The following CCDC82 variants were observed in gnomAD, a reference collection of about 807,000 sequenced individuals.
The protein encoded by CCDC82 is coiled-coil domain containing 82.
Under a neutral mutation model 60.6 loss-of-function variants are expected in CCDC82, and 47 were observed. That is an observed-to-expected ratio of 0.77 (90% CI 0.61 to 0.99). The LOEUF (loss-of-function observed/expected upper bound fraction) is 0.99, where lower values mean the gene tolerates loss of function less well. CCDC82 is among the 50% of genes least tolerant of loss of function. The probability of loss-of-function intolerance (pLI) is 0.00; values close to 1 mark genes in which losing one functional copy is unlikely to be tolerated. For missense variants in CCDC82, 588 were observed against 633.0 expected, an observed-to-expected ratio of 0.93 and a Z score of 0.76; for synonymous variants, 212 against 207.4, an observed-to-expected ratio of 1.02 and a Z score of -0.19.
intron 5 of CCDC82, among the ~76,000 whole-genome samples, chr11:96,376,377 T>G (rs893365936): frequency 1.3e-5 from 2 of 151,682 alleles, no homozygotes; most frequent in East Asian, 3.9e-4. Flanking sequence ...CCATGTTTTC[T>G]GTTCTGTTTC....
chr11:96,355,236 T>G (rs1365240924), intron 9 of CCDC82: 1 of 152,142 alleles, frequency 6.6e-6, no homozygotes, highest in East Asian at 1.9e-4. Flanking sequence ...TTAAAAAAAT[T>G]ATTTTAAGAG....
intron 4 of CCDC82, 73 bp downstream of exon 4, chr11:96,383,889 C>T: frequency 7.2e-7 from 1 of 1,393,356 alleles, no homozygotes; most frequent in Non-Finnish European, 9.7e-7. Flanking sequence ...GGACTCAGCA[C>T]TTTTTTATAA....
intron 5 of CCDC82, chr11:96,382,829 G>A (rs570597466): frequency 6.5e-6 from 1 of 153,558 alleles, no homozygotes; most frequent in Non-Finnish European, 1.4e-5. Flanking sequence ...CGTAAAAGCA[G>A]ATATAAGAAT....
chr11:96,378,742 T>C (rs1323159249), intron 5 of CCDC82, among the ~76,000 whole-genome samples: 1 of 152,038 alleles, frequency 6.6e-6, no homozygotes, highest in African/African-American at 2.4e-5. Context: ...ATTTTTAGTG[T>C]GTGAACTATG....
chr11:96,354,211 T>C (rs1284187458), intron 9 of CCDC82: 2 of 152,258 alleles, frequency 1.3e-5, no homozygotes, highest in Non-Finnish European at 2.9e-5. Flanking sequence ...TCATGGTTAG[T>C]TGAGGTAAGC....
chr11:96,387,387 GCA>G (rs1490128557), intron 2 of CCDC82, 141 bp downstream of exon 2: 1 of 152,158 alleles, frequency 6.6e-6, no homozygotes, highest in African/African-American at 2.4e-5. Flanking sequence ...ACTTATGACT[GCA>G]CAGTTAAGCC....
At chr11:96,383,522 TA>T (rs1182404133) in intron 4 of CCDC82, 49 bp from the exon 5 acceptor site, 1 of 1,153,228 alleles carries the variant, frequency 8.7e-7, no homozygotes, top group South Asian at 1.5e-5. Flanking sequence ...ATTAAAACGG[TA>T]AGCATCGATA....
chr11:96,357,194 A>G, intron 9 of CCDC82: 1 of 985,464 alleles, frequency 1.0e-6, no homozygotes, highest in Non-Finnish European at 1.2e-6. Flanking sequence ...ATTACAGCAC[A>G]AAAAGCTGCA....
chr11:96,360,640 G>C (rs1420920513), intron 8 of CCDC82, among the ~76,000 whole-genome samples: 2 of 152,180 alleles, frequency 1.3e-5, no homozygotes, highest in African/African-American at 4.8e-5. Flanking sequence ...ATTTGTGTCT[G>C]TACCTAAGTT....
At chr11:96,353,814 G>C in intron 9 of CCDC82, 100 bp from the exon 10 acceptor site, 1 of 744,666 alleles carries the variant, frequency 1.3e-6, no homozygotes, top group Non-Finnish European at 2.2e-6. Flanking sequence ...TCCATTTCAT[G>C]GTAATCGTGA....
intron 9 of CCDC82, chr11:96,353,991 A>C (rs1340875412): frequency 4.0e-6 from 1 of 251,784 alleles, no homozygotes; most frequent in Non-Finnish European, 7.6e-6. Context: ...TCATGATTAC[A>C]GTAGAAATGT....
chr11:96,366,830 C>G (rs955883166), intron 7 of CCDC82, among the ~76,000 whole-genome samples: 1 of 152,178 alleles, frequency 6.6e-6, no homozygotes, highest in African/African-American at 2.4e-5. Context: ...AAATACAGTA[C>G]AGGTATACCT....
chr11:96,364,938 A>G (rs1371967236), intron 8 of CCDC82, 42 bp downstream of exon 8: 10 of 1,524,958 alleles, frequency 6.6e-6, no homozygotes, highest in Non-Finnish European at 8.0e-6. Flanking sequence ...TGAAATAAAA[A>G]TTTCTAAATA....
chr11:96,367,816 ATTTC>A (rs1167279950), intron 7 of CCDC82, among the ~76,000 whole-genome samples: 1 of 112,298 alleles, frequency 8.9e-6, no homozygotes, highest in Non-Finnish European at 1.9e-5. Flanking sequence ...TATGAAATGT[ATTTC>A]TTTTTTTTTT....
intron 7 of CCDC82, among the ~76,000 whole-genome samples, chr11:96,366,803 A>G (rs1031503219): frequency 2.6e-5 from 4 of 152,206 alleles, no homozygotes; most frequent in Admixed American, 6.5e-5. Flanking sequence ...TTACTTGGCT[A>G]AAGTTAAATA....
chr11:96,357,413 T>C (rs990661836), intron 9 of CCDC82: 18 of 985,244 alleles, frequency 1.8e-5, no homozygotes, highest in East Asian at 2.3e-4. Flanking sequence ...ATGTATAACA[T>C]GACACTTGGC....
chr11:96,353,726 A>G lies in CCDC82; in HGVS notation c.1567-12T>C, dbSNP rs777125910. 6.3e-7 allele frequency: 1 copy of G among 1,594,874 alleles called. No homozygotes were observed. Among genetic ancestry groups the G allele is most frequent in the Non-Finnish European group, 8.6e-7 (1 of 1,166,712 alleles). ...AGTTGACCATATTTCTGCATATACA[A>G]TAGAAAAGCTAGTTATTTTACTCAA... On this transcript the variant is annotated splice_polypyrimidine_tract_variant and intron_variant, in intron 9 of 9. Coordinates refer to ENST00000646818, the MANE Select transcript of CCDC82 (RefSeq NM_024725.4).
At chr11:96,385,553 T>C (rs1866146477) in intron 3 of CCDC82, 1 of 152,190 alleles carries the variant, frequency 6.6e-6, no homozygotes, top group African/African-American at 2.4e-5. Flanking sequence ...ACTAAGATTG[T>C]AGCCTCTTTA....
rs1459858093 is a variant in CCDC82 at position 96,383,259 on chromosome 11, T to C, written c.991+10A>G. 2.2e-6 allele frequency: 3 copies of C among 1,388,290 alleles called. No homozygotes were observed. The highest frequency in any genetic ancestry group is 2.8e-5 in the African/African-American group (2 of 70,514). 86.0% of individuals were successfully genotyped at this position (1,388,290 alleles called of 1,614,324 possible). ...CAATTCATGAAACATTTTCTTAATA[T>C]TGAACTTACAAAGAGAATTCTGTTT... On this transcript the variant is annotated intron_variant, in intron 5 of 9. Coordinates refer to ENST00000646818, the MANE Select transcript of CCDC82 (RefSeq NM_024725.4).
Sources: gnomAD v4.1 joint callset for allele counts (sites outside exome capture counted in the v4.1 genomes callset) on GRCh38, gnomAD v4.1.1 for gene constraint, MANE v1.5 for transcripts, NCBI Gene and HGNC (gene_info 2026-07-23, HGNC 2026-07-21) for gene names.